The following XPNPEP1 variants were observed in gnomAD, a reference collection of about 807,000 sequenced individuals.
The protein encoded by XPNPEP1 is X-prolyl aminopeptidase 1.
Under a neutral mutation model 92.4 loss-of-function variants are expected in XPNPEP1, and 39 were observed. The observed-to-expected ratio is 0.42, with a 90% CI of 0.33 to 0.55. The LOEUF (loss-of-function observed/expected upper bound fraction) is 0.55, where lower values mean the gene tolerates loss of function less well. XPNPEP1 is among the 20% of genes least tolerant of loss of function. The probability of loss-of-function intolerance (pLI) is 0.08; values close to 1 mark genes in which losing one functional copy is unlikely to be tolerated. For missense variants in XPNPEP1, 654 were observed against 856.1 expected, an observed-to-expected ratio of 0.76 and a Z score of 2.95; for synonymous variants, 307 against 299.4, an observed-to-expected ratio of 1.03 and a Z score of -0.26.
intron 4 of XPNPEP1, among the ~76,000 whole-genome samples, chr10:109,892,293 A>G (rs1385144016): frequency 6.6e-6 from 1 of 152,178 alleles, no homozygotes; most frequent in Non-Finnish European, 1.5e-5. Flanking sequence ...GGTCACTAGC[A>G]GGAAGCTTAT....
At chr10:109,893,148 T>C (rs1176674309) in intron 3 of XPNPEP1, 73 bp from the exon 4 acceptor site, 1 of 1,426,962 alleles carries the variant, frequency 7.0e-7, no homozygotes, top group African/African-American at 1.4e-5. Context: ...CTTAGCCTTG[T>C]GCTAGGCTCA....
At chr10:109,921,176 G>C (rs1850516171) in intron 1 of XPNPEP1, among the ~76,000 whole-genome samples, 3 of 152,172 alleles carry the variant, frequency 2.0e-5, no homozygotes, top group African/African-American at 7.2e-5. Context: ...TTAAGAACTA[G>C]AAGAATATAC....
intron 1 of XPNPEP1, among the ~76,000 whole-genome samples, chr10:109,922,803 C>T (rs1487206506): frequency 1.3e-5 from 2 of 152,194 alleles, no homozygotes; most frequent in Non-Finnish European, 2.9e-5. Context: ...TCTGTCTCAC[C>T]CTCCTATGCC....
chr10:109,875,440 T>C, intron 15 of XPNPEP1, 88 bp downstream of exon 15: 1 of 1,227,930 alleles, frequency 8.1e-7, no homozygotes, highest in Non-Finnish European at 1.2e-6. Flanking sequence ...GATGACCAGC[T>C]GAGTGCTCTC....
intron 1 of XPNPEP1, among the ~76,000 whole-genome samples, chr10:109,919,723 G>C (rs769096975): frequency 8.5e-5 from 13 of 152,198 alleles, no homozygotes; most frequent in Admixed American, 8.5e-4. Context: ...CCATATAATG[G>C]AATGTTCTTT....
At chr10:109,875,412 G>C (rs150245825) in intron 15 of XPNPEP1, 116 bp downstream of exon 15, 1 of 819,302 alleles carries the variant, frequency 1.2e-6, no homozygotes, top group East Asian at 2.7e-5. Context: ...GATTCCATTA[G>C]TGGCCAGCAC....
intron 3 of XPNPEP1, among the ~76,000 whole-genome samples, chr10:109,897,675 A>G (rs1447116279): frequency 1.3e-5 from 2 of 148,654 alleles, no homozygotes; most frequent in Non-Finnish European, 3.0e-5. Context: ...TTTTTTTAAG[A>G]TGGGGTCTTG....
chr10:109,922,165 T>C (rs1850577970), intron 1 of XPNPEP1, among the ~76,000 whole-genome samples: 1 of 152,190 alleles, frequency 6.6e-6, no homozygotes, highest in South Asian at 2.1e-4. Context: ...GGCACTCAAA[T>C]TCTACCAGTA....
At chr10:109,868,454 C>G (rs886997559) in intron 20 of XPNPEP1, among the ~76,000 whole-genome samples, 160 bp downstream of exon 20, 3 of 152,068 alleles carry the variant, frequency 2.0e-5, no homozygotes, top group Admixed American at 6.5e-5. Flanking sequence ...CCTCAGAAAA[C>G]CTAGGGCTTT....
rs761075754 is a variant in XPNPEP1, at chr10:109,868,681, A to G, written c.1805T>C (p.Phe602Ser). Residue 602 changes from phenylalanine (F) to serine (S), a missense_variant, in exon 20 of 21, where the codon TTT becomes TCT. Phe to Ser is a radical substitution (Grantham distance 155, BLOSUM62 -2). Coordinates refer to ENST00000502935, the MANE Select transcript of XPNPEP1 (RefSeq NM_020383.4). ...YNFNNRGSLT[F>S]EPLTLVPIQT... ...AATTGGAACCAATGTTAGAGGTTCA[A>G]AGGTCAGGCTTCCCCGGTTATTAAA... The G allele has an allele frequency of 6.2e-6, 10 of 1,613,942 alleles. No homozygotes were observed. The highest frequency in any genetic ancestry group is 8.5e-7 in the Non-Finnish European group (1 of 1,179,996).
intron 13 of XPNPEP1, 49 bp from the exon 14 acceptor site, chr10:109,877,916 C>G: frequency 1.2e-6 from 2 of 1,614,170 alleles, no homozygotes; most frequent in Middle Eastern, 1.6e-4. Context: ...TTTTACTGTG[C>G]TAAGATTCAG....
chr10:109,920,006 T>G (rs1850446874), intron 1 of XPNPEP1, among the ~76,000 whole-genome samples: 1 of 151,038 alleles, frequency 6.6e-6, no homozygotes, highest in Non-Finnish European at 1.5e-5. Context: ...CACTCCAGCC[T>G]GGCAACAGAG....
intron 3 of XPNPEP1, among the ~76,000 whole-genome samples, chr10:109,902,848 C>T (rs1291463820): frequency 5.9e-5 from 9 of 152,236 alleles, no homozygotes. Flanking sequence ...CCATCTAATT[C>T]TGATATTGCA....
chr10:109,908,808 G>T (rs1849696940), intron 2 of XPNPEP1, among the ~76,000 whole-genome samples: 1 of 152,186 alleles, frequency 6.6e-6, no homozygotes, highest in Admixed American at 6.5e-5. Context: ...TGCTTTAAAA[G>T]AGTATGTTTT....
At chr10:109,882,324 A>C in intron 10 of XPNPEP1, 108 bp downstream of exon 10, 2 of 1,312,282 alleles carry the variant, frequency 1.5e-6, no homozygotes, top group Non-Finnish European at 1.1e-6. Context: ...TGGAGACCAC[A>C]GTTCTGATCC....
At chr10:109,889,171 G>C (rs543027875) in intron 5 of XPNPEP1, among the ~76,000 whole-genome samples, 1 of 152,344 alleles carries the variant, frequency 6.6e-6, no homozygotes, top group African/African-American at 2.4e-5. Flanking sequence ...GATTTTAAGA[G>C]AGGCACACAG....
At chr10:109,920,079 T>C (rs558463105) in intron 1 of XPNPEP1, among the ~76,000 whole-genome samples, 18 of 151,328 alleles carry the variant, frequency 1.2e-4, no homozygotes, top group Admixed American at 2.0e-4. Flanking sequence ...ACCTATGACA[T>C]AGGTGAACCT....
At chr10:109,918,857 AGGGAAGGAAGG>A (rs1850350604) in intron 1 of XPNPEP1, among the ~76,000 whole-genome samples, 1 of 25,744 alleles carries the variant, frequency 3.9e-5, no homozygotes, top group African/African-American at 9.0e-5. Flanking sequence ...GGAAGGAAGG[AGGGAAGGAAGG>A]AAGGAAGGAA....
At chr10:109,885,379 G>A (rs561245701) in intron 8 of XPNPEP1, among the ~76,000 whole-genome samples, 6 of 152,094 alleles carry the variant, frequency 3.9e-5, no homozygotes, top group Non-Finnish European at 2.9e-5. Flanking sequence ...GAATTTATAC[G>A]TGATTTTTTT....
Sources: gnomAD v4.1 joint callset for allele counts (sites outside exome capture counted in the v4.1 genomes callset) on GRCh38, gnomAD v4.1.1 for gene constraint, MANE v1.5 for transcripts, NCBI Gene and HGNC (gene_info 2026-07-23, HGNC 2026-07-21) for gene names.